ZNF543: variants seen among roughly 807,000 people sequenced by gnomAD.
ZNF543 encodes the protein zinc finger protein 543.
ZNF543 carries 10 observed loss-of-function variants against 13.4 expected under a neutral mutation model. That is an observed-to-expected ratio of 0.75 (90% CI 0.46 to 1.26). The LOEUF (loss-of-function observed/expected upper bound fraction) is 1.26, where lower values mean the gene tolerates loss of function less well. Ranked by LOEUF, ZNF543 falls within the 50% of genes most tolerant of loss-of-function variation. The probability of loss-of-function intolerance (pLI) is 0.00; values close to 1 mark genes in which losing one functional copy is unlikely to be tolerated. For missense variants in ZNF543, 768 were observed against 741.2 expected, an observed-to-expected ratio of 1.04 and a Z score of -0.42; for synonymous variants, 272 against 264.7, an observed-to-expected ratio of 1.03 and a Z score of -0.27.
At position 57,328,534 on chromosome 19, in the gene ZNF543, C is replaced by T. The variant is rs1290703113; in HGVS notation, c.1072C>T (p.Gln358Ter). The T allele has an allele frequency of 3.7e-6, 6 of 1,613,880 alleles. No individual in the cohort carries two copies. The highest frequency in any genetic ancestry group is 5.1e-6 in the Non-Finnish European group (6 of 1,180,020). Residue 358 changes from glutamine to a stop codon, truncating the protein, a stop_gained, in exon 4 of 4, where the codon CAA (glutamine) becomes TAA (stop). Coordinates refer to ENST00000321545, the MANE Select transcript of ZNF543 (RefSeq NM_213598.4). LOFTEE classifies it low-confidence loss of function (END_TRUNC). Reference sequence around the variant, plus strand: ...CCGCCGGTCATACCTCACGTGGCACCAACAGATTCACACTGGAGTGAAACC... The same window carrying T: ...CCGCCGGTCATACCTCACGTGGCACTAACAGATTCACACTGGAGTGAAACC... ...FNRRSYLTWH[Q>*]QIHTGVKPFE...
At position 57,324,354 on chromosome 19, in the gene ZNF543, GAA is replaced by G. The variant is rs56924099; in HGVS notation, c.145+563_145+564del. Among the ~76,000 whole-genome samples, 407 of 101,752 alleles carry G rather than the reference GAA, an allele frequency of 4.0e-3. 1 individual carries two copies. Among genetic ancestry groups the G allele is most frequent in the Middle Eastern group, 0.017 (3 of 174 alleles). The allele number at this position is 101,752 out of a possible 152,430, so 66.8% of individuals were successfully genotyped here. Reference sequence around the variant, plus strand: ...CGACAGTGTGAGAGAGACTCCGTCTGAAAAAAAAAAAAAAAAAAGGCCAATAT... The same window carrying G: ...CGACAGTGTGAGAGAGACTCCGTCTGAAAAAAAAAAAAAAAAGGCCAATAT... On this transcript the variant is annotated intron_variant, in intron 2 of 3. Transcript: ENST00000321545.
At position 57,328,661 on chromosome 19, in the gene ZNF543, G is replaced by T; in HGVS notation, c.1199G>T (p.Cys400Phe). The T allele has an allele frequency of 6.2e-7, 1 of 1,614,102 alleles. No individual in the cohort carries two copies. Among genetic ancestry groups the T allele is most frequent in the Non-Finnish European group, 8.5e-7 (1 of 1,180,032 alleles). Residue 400 changes from cysteine (C) to phenylalanine (F), a missense_variant, in exon 4 of 4, where the codon TGT (cysteine) becomes TTT (phenylalanine). Physicochemically the swap from Cys to Phe is radical, Grantham distance 205. This residue lies in a region of ZNF543 where 677 missense variants were observed against 631.4 expected (regional missense o/e 1.07). Coordinates refer to ENST00000321545, the MANE Select transcript of ZNF543 (RefSeq NM_213598.4). ...TGEKPYKCME[C>F]GKAFNRRSHL... ...GAGAAGCCCTATAAGTGCATGGAGT[G>T]TGGGAAGGCGTTCAACCGTAGGTCA...
In ZNF543 at chr19:57,327,979, T is replaced by C; in HGVS notation, c.517T>C (p.Ser173Pro). ...TACAAAGATTACACAGAAACAAGTT[T>C]CAACAGAAGGTGATCTCTATGAATG... Reference protein sequence around the residue: ...VCTKITQKQVSTEGDLYECDS... With the variant: ...VCTKITQKQVPTEGDLYECDS... The change falls in exon 4 of 4, where the codon TCA (serine) becomes CCA (proline). Residue 173 changes from serine to proline, a missense_variant. Transcript: ENST00000321545. 6.2e-7 allele frequency: 1 copy of C among 1,614,158 alleles called. No individual in the cohort carries two copies. Among genetic ancestry groups the C allele is most frequent in the Non-Finnish European group, 8.5e-7 (1 of 1,180,042 alleles).
At chr19:57,322,949 T>G (rs2088098428) in intron 1 of ZNF543, among the ~76,000 whole-genome samples, 1 of 152,080 alleles carries the variant, frequency 6.6e-6, no homozygotes, top group Non-Finnish European at 1.5e-5. Flanking sequence ...CTGGGGACTT[T>G]TAGTCACTTT....
In ZNF543 at chr19:57,328,652, G is replaced by A; in HGVS notation, c.1190G>A (p.Cys397Tyr). 1 of 1,614,080 alleles carries A rather than the reference G, an allele frequency of 6.2e-7. No homozygotes were observed. Among genetic ancestry groups the A allele is most frequent in the Non-Finnish European group, 8.5e-7 (1 of 1,180,014 alleles). The change falls in exon 4 of 4, where the codon TGC becomes TAC. Residue 397 changes from cysteine (C) to tyrosine (Y), a missense_variant. Cys to Tyr is a radical substitution (Grantham distance 194). This residue lies in a region of ZNF543 where 677 missense variants were observed against 631.4 expected (regional missense o/e 1.07). Transcript: ENST00000321545. ...IIHTGEKPYK[C>Y]MECGKAFNRR... ...CACACTGGGGAGAAGCCCTATAAGT[G>A]CATGGAGTGTGGGAAGGCGTTCAAC...
At chr19:57,322,644 C>G (rs892935243) in intron 1 of ZNF543, among the ~76,000 whole-genome samples, 2 of 152,108 alleles carry the variant, frequency 1.3e-5, no homozygotes, top group Non-Finnish European at 2.9e-5. Context: ...CAAATTCTGT[C>G]TCTCCTGATA....
chr19:57,322,264 G>T (rs1367169666), intron 1 of ZNF543, among the ~76,000 whole-genome samples: 2 of 151,822 alleles, frequency 1.3e-5, no homozygotes, highest in Non-Finnish European at 2.9e-5. Context: ...GCAGATGCAG[G>T]TCCAGGCCCT....
At position 57,320,543 on chromosome 19, in the gene ZNF543, C is replaced by A. The variant is rs570024828; in HGVS notation, c.-311C>A. 5.3e-6 allele frequency: 2 copies of A among 374,470 alleles called. No individual in the cohort carries two copies. Among genetic ancestry groups the A allele is most frequent in the South Asian group, 6.3e-5 (2 of 31,774 alleles). 23.2% of individuals were successfully genotyped at this position (374,470 alleles called of 1,614,324 possible). ...TGGGGCCTGGACCGCTGGGTAGGCGCGTCCAGCGGCCTGAGCAGGGGAGGG... is the reference window on the plus strand; with the variant it reads ...TGGGGCCTGGACCGCTGGGTAGGCGAGTCCAGCGGCCTGAGCAGGGGAGGG... On this transcript the variant is annotated 5_prime_UTR_variant, in exon 1 of 4. Transcript: ENST00000321545.
chr19:57,323,408 G>A (rs550914203), intron 1 of ZNF543, among the ~76,000 whole-genome samples: 1 of 152,178 alleles, frequency 6.6e-6, no homozygotes, highest in South Asian at 2.1e-4. Flanking sequence ...TAGCCAGGAT[G>A]GTCTCGATCT....
chr19:57,323,619 A>G, intron 1 of ZNF543, 63 bp from the exon 2 acceptor site: 2 of 1,595,660 alleles, frequency 1.3e-6, no homozygotes, highest in Non-Finnish European at 1.7e-6. Context: ...TGCTGAAGTG[A>G]CAAGTTCTAG....
Position 57,330,156 on chromosome 19 carries a change from G to A in ZNF543, c.*891G>A, listed in dbSNP as rs946891028. On this transcript the variant is annotated 3_prime_UTR_variant, in exon 4 of 4. Coordinates refer to ENST00000321545, the MANE Select transcript of ZNF543 (RefSeq NM_213598.4). ...ATGAAACACTTTTATAAGGAGATAA[G>A]GATGTACATATGTTTGGACACATTG... The A allele has an allele frequency of 6.6e-6, 1 of 152,084 alleles. No individual in the cohort carries two copies. Among genetic ancestry groups the A allele is most frequent in the East Asian group, 1.9e-4 (1 of 5,200 alleles). 9.4% of individuals were successfully genotyped at this position (152,084 alleles called of 1,614,324 possible). A position where few individuals can be genotyped will look rare whatever the true frequency, so the allele number is the denominator to read the frequency against.
chr19:57,321,234 A>G (rs965353577), intron 1 of ZNF543, among the ~76,000 whole-genome samples: 10 of 152,064 alleles, frequency 6.6e-5, no homozygotes, highest in African/African-American at 2.2e-4. Context: ...CTGACCGTGC[A>G]GTCTTCTTCC....
chr19:57,323,511 C>G, intron 1 of ZNF543, 171 bp from the exon 2 acceptor site: 1 of 868,320 alleles, frequency 1.2e-6, no homozygotes, highest in Non-Finnish European at 1.9e-6. Context: ...GTAATTTATC[C>G]AAGGCAATGT....
Position 57,328,928 on chromosome 19 carries a change from A to C in ZNF543, c.1466A>C (p.Asn489Thr), listed in dbSNP as rs762957212. Residue 489 changes from asparagine to threonine, a missense_variant, in exon 4 of 4, where the codon AAC (asparagine) becomes ACC (threonine). Asn to Thr is a moderately conservative substitution (Grantham distance 65, BLOSUM62 0). This residue lies in a region of ZNF543 where 677 missense variants were observed against 631.4 expected (regional missense o/e 1.07). Transcript: ENST00000321545. The part of the protein sequence containing the change: ...YECVECGKAF[N>T]RSSHLTRHQQ... Reference sequence around the variant, plus strand: ...TGCGTGGAGTGTGGAAAGGCCTTCAACCGCAGCTCACACCTCACGAGGCAC... The same window carrying C: ...TGCGTGGAGTGTGGAAAGGCCTTCACCCGCAGCTCACACCTCACGAGGCAC... The C allele has an allele frequency of 1.2e-6, 2 of 1,613,810 alleles. No individual in the cohort carries two copies. The highest frequency in any genetic ancestry group is 1.7e-6 in the Non-Finnish European group (2 of 1,179,952).
chr19:57,328,308 T>G lies in ZNF543; in HGVS notation c.846T>G (p.Pro282=), dbSNP rs530989618. ...RHQRIHSGEK[P]YKCSECGKAF... is the part of the protein sequence containing the mutation. ...AGCGGATTCACAGTGGAGAGAAGCC[T>G]TATAAGTGCAGTGAATGTGGAAAGG... The change falls in exon 4 of 4, where the codon CCT becomes CCG. Residue 282 remains proline (P), a synonymous_variant. Coordinates refer to ENST00000321545, the MANE Select transcript of ZNF543 (RefSeq NM_213598.4). 1 of 1,607,452 alleles carries G rather than the reference T, an allele frequency of 6.2e-7. No homozygotes were observed. The highest frequency in any genetic ancestry group is 1.1e-5 in the South Asian group (1 of 90,816).
Position 57,322,027 on chromosome 19 carries a change from C to T in ZNF543, c.18+1156C>T, listed in dbSNP as rs898940552. ...GGACACAAGATTTTGTGGTCTTTTGCTAGATGTGCCTTCCTCCTTAGCCAG... is the reference window on the plus strand; with the variant it reads ...GGACACAAGATTTTGTGGTCTTTTGTTAGATGTGCCTTCCTCCTTAGCCAG... On this transcript the variant is annotated intron_variant, in intron 1 of 3. Transcript: ENST00000321545. Among the ~76,000 whole-genome samples, 6 of 152,172 alleles carry T rather than the reference C, an allele frequency of 3.9e-5. No homozygotes were observed. The East Asian group carries it at 1.2e-3, about 29-fold the overall frequency.
chr19:57,325,443 C>T (rs59194347), intron 2 of ZNF543, among the ~76,000 whole-genome samples: 2,297 of 152,296 alleles, frequency 0.015, 65 homozygotes, highest in African/African-American at 0.052. Context: ...CAGATCAGCT[C>T]ATACAGTCTT....
Position 57,320,534 on chromosome 19 carries a change from G to T in ZNF543, c.-320G>T. 1 of 365,456 alleles carries T rather than the reference G, an allele frequency of 2.7e-6. No homozygotes were observed. Among genetic ancestry groups the T allele is most frequent in the Non-Finnish European group, 5.1e-6 (1 of 197,104 alleles). The allele number at this position is 365,456 out of a possible 1,614,324, so 22.6% of individuals were successfully genotyped here. On this transcript the variant is annotated 5_prime_UTR_variant, in exon 1 of 4. Transcript: ENST00000321545. ...GGAACAGTGTGGGGCCTGGACCGCT[G>T]GGTAGGCGCGTCCAGCGGCCTGAGC...
intron 1 of ZNF543, among the ~76,000 whole-genome samples, chr19:57,321,230 G>A (rs1292278022): frequency 6.6e-6 from 1 of 152,056 alleles, no homozygotes; most frequent in Non-Finnish European, 1.5e-5. Context: ...CAACCTGACC[G>A]TGCAGTCTTC....
Sources: allele counts gnomAD v4.1 joint callset (sites outside exome capture counted in the v4.1 genomes callset), GRCh38; gene constraint gnomAD v4.1.1; regional missense constraint gnomAD v4.1.1; transcripts MANE v1.5; gene names NCBI Gene and HGNC (gene_info 2026-07-23, HGNC 2026-07-21).